CNKSR2: variants seen among roughly 807,000 people sequenced by gnomAD.
CNKSR2 encodes connector enhancer of kinase suppressor of Ras 2, also known as CNK homolog protein 2.
In CNKSR2, 14 loss-of-function variants were observed where a neutral mutation model predicts 84.4. The observed-to-expected ratio is 0.17, with a 90% confidence interval of 0.11 to 0.26. The LOEUF (loss-of-function observed/expected upper bound fraction) is 0.26. CNKSR2 is among the 10% of genes least tolerant of loss of function. The pLI is 1.00. For missense variants in CNKSR2, 485 were observed against 771.2 expected (o/e 0.63, Z 4.40); for synonymous variants, 275 against 277.9 (o/e 0.99, Z 0.10).
chrX:21,546,184 A>G (rs1271054104), intron 11 of CNKSR2, among the ~76,000 whole-genome samples: 1 of 109,962 alleles, frequency 9.1e-6, no homozygotes, highest in Non-Finnish European at 1.9e-5. Flanking sequence ...AAAAAAGGTT[A>G]GAGGAATTGC....
chrX:21,415,855 C>G (rs2090413749), intron 1 of CNKSR2, among the ~76,000 whole-genome samples: 1 of 103,258 alleles, frequency 9.7e-6, no homozygotes, highest in South Asian at 4.2e-4. Flanking sequence ...CACACACACA[C>G]ACACACACAC....
intron 13 of CNKSR2, among the ~76,000 whole-genome samples, chrX:21,576,335 A>C (rs936184530): frequency 2.7e-5 from 3 of 112,215 alleles, no homozygotes; most frequent in Non-Finnish European, 5.6e-5. Flanking sequence ...ATAGGTTAAA[A>C]GGAAGTATAA....
intron 11 of CNKSR2, among the ~76,000 whole-genome samples, chrX:21,542,800 G>A (rs2091987741): frequency 8.9e-6 from 1 of 111,915 alleles, no homozygotes; most frequent in South Asian, 3.8e-4. Flanking sequence ...TCACCAAATA[G>A]TATTGGTTTG....
At chrX:21,471,213 C>T (rs769043001) in intron 5 of CNKSR2, among the ~76,000 whole-genome samples, 1 of 111,795 alleles carries the variant, frequency 8.9e-6, no homozygotes, top group Non-Finnish European at 1.9e-5. Flanking sequence ...ATTTCCTTTG[C>T]TCCAATTCTA....
intron 11 of CNKSR2, among the ~76,000 whole-genome samples, chrX:21,553,803 GTTCT>G (rs1428814312): frequency 9.0e-6 from 1 of 111,595 alleles, no homozygotes; most frequent in Non-Finnish European, 1.9e-5. Flanking sequence ...TTAATTTGCA[GTTCT>G]TTAACTTGAG....
At chrX:21,614,117 A>AT (rs2092565256) in intron 20 of CNKSR2, among the ~76,000 whole-genome samples, 1 of 111,430 alleles carries the variant, frequency 9.0e-6, no homozygotes, top group Non-Finnish European at 1.9e-5. Context: ...TTATTAGGGC[A>AT]TAGGGGCTAG....
intron 20 of CNKSR2, chrX:21,644,729 C>T (rs141570778): frequency 2.7e-5 from 3 of 111,726 alleles, no homozygotes; most frequent in East Asian, 5.6e-4. Context: ...CATTAAGGTA[C>T]AGGAAGAAAA....
rs16981601 is a variant in CNKSR2, at chrX:21,585,667, T to G, written c.1609-4905T>G. On this transcript the variant is annotated intron_variant, in intron 13 of 21. Coordinates refer to ENST00000379510, the MANE Select transcript of CNKSR2 (RefSeq NM_014927.5). ...TGAGCTCAGTTTTGTACATATTAAA[T>G]CCACTCAGTTAGGCAGGCTTTAGCT... Among the ~76,000 whole-genome samples, 1,078 of 111,031 alleles carry G rather than the reference T, an allele frequency of 9.7e-3. 9 individuals carry two copies. Among genetic ancestry groups the G allele is most frequent in the African/African-American group, 0.033 (1,003 of 30,491 alleles).
intron 13 of CNKSR2, among the ~76,000 whole-genome samples, chrX:21,584,407 C>T (rs2092372628): frequency 8.9e-6 from 1 of 112,210 alleles, no homozygotes; most frequent in South Asian, 3.7e-4. Context: ...GAGGACAAAG[C>T]AATACATAAA....
intron 4 of CNKSR2, among the ~76,000 whole-genome samples, chrX:21,446,978 C>T (rs1235364005): frequency 9.0e-6 from 1 of 111,368 alleles, no homozygotes; most frequent in Non-Finnish European, 1.9e-5. Flanking sequence ...TTTTGAGCTC[C>T]TCTCCCATTT....
At chrX:21,642,928 T>C (rs1167191252) in intron 20 of CNKSR2, 1 of 490,521 alleles carries the variant, frequency 2.0e-6, no homozygotes, top group East Asian at 1.9e-4. Context: ...ATAATGATGG[T>C]TCTGGTATAT....
In CNKSR2 at chrX:21,591,169, C is replaced by A. The variant is rs1003662009; in HGVS notation, c.1805C>A (p.Ser602Tyr). The change falls in exon 15 of 22, where the codon TCC becomes TAC. Residue 602 changes from serine (S) to tyrosine (Y), a missense_variant. Transcript: ENST00000379510. The part of the protein sequence containing the change: ...KKYWFVLKDA[S>Y]LYWYINEEDE... ...TATTGGTTTGTCCTAAAGGATGCAT[C>A]CCTTTATTGGTATATTAATGAGGAG... The A allele has an allele frequency of 5.8e-6, 7 of 1,198,593 alleles. No homozygotes were observed. Among genetic ancestry groups the A allele is most frequent in the Admixed American group, 2.2e-5 (1 of 45,160 alleles).
intron 4 of CNKSR2, among the ~76,000 whole-genome samples, chrX:21,466,105 T>C (rs183069519): frequency 9.0e-6 from 1 of 111,653 alleles, no homozygotes; most frequent in Non-Finnish European, 1.9e-5. Flanking sequence ...AAGAAATGAA[T>C]TTTTTTTGCA....
rs763609006 is a variant in CNKSR2, at chrX:21,594,965, G to A, written c.1831-9G>A. On this transcript the variant is annotated splice_polypyrimidine_tract_variant and intron_variant, in intron 15 of 21. Coordinates refer to ENST00000379510, the MANE Select transcript of CNKSR2 (RefSeq NM_014927.5). ...TATAATAAACTAACCAAGAGTCTTG[G>A]CTCTTCAGGATGAAAAAGCAGAAGG... is the stretch of plus-strand genomic sequence containing the variant. 8.4e-7 allele frequency: 1 copy of A among 1,197,078 alleles called. No individual in the cohort carries two copies. The highest frequency in any genetic ancestry group is 1.8e-5 in the South Asian group (1 of 56,059).
Position 21,518,858 on chromosome X carries a change from T to C in CNKSR2, c.957+2227T>C, listed in dbSNP as rs904639526. Among the ~76,000 whole-genome samples the C allele has an allele frequency of 2.7e-5, 3 of 111,951 alleles. No homozygotes were observed. In the Admixed American group the frequency reaches 2.8e-4, roughly 11 times the overall value. On this transcript the variant is annotated intron_variant, in intron 9 of 21. Coordinates refer to ENST00000379510, the MANE Select transcript of CNKSR2 (RefSeq NM_014927.5). Reference sequence around the variant, plus strand: ...TCTGAAAAAGAGGAAATCAGCATTATATAAGTGCTGTATATATTGACATTT... The same window carrying C: ...TCTGAAAAAGAGGAAATCAGCATTACATAAGTGCTGTATATATTGACATTT...
At chrX:21,571,685 T>C (rs1348874562) in intron 13 of CNKSR2, among the ~76,000 whole-genome samples, 1 of 112,183 alleles carries the variant, frequency 8.9e-6, no homozygotes, top group Non-Finnish European at 1.9e-5. Flanking sequence ...ACTAAAGCCA[T>C]ATCTGCTCAT....
intron 6 of CNKSR2, 157 bp downstream of exon 6, chrX:21,490,735 A>G (rs2091434012): frequency 7.5e-6 from 3 of 400,294 alleles, no homozygotes; most frequent in South Asian, 8.9e-5. Context: ...GAAGTTTGTG[A>G]TGCATGATAA....
chrX:21,399,656 C>G (rs1375438185), intron 1 of CNKSR2, among the ~76,000 whole-genome samples: 1 of 111,283 alleles, frequency 9.0e-6, no homozygotes, highest in Non-Finnish European at 1.9e-5. Flanking sequence ...TAACCCCATT[C>G]TAAGTTTTGT....
intron 20 of CNKSR2, chrX:21,644,835 A>G (rs1180013448): frequency 8.9e-6 from 1 of 111,972 alleles, no homozygotes; most frequent in African/African-American, 3.2e-5. Flanking sequence ...AGAGTAATAC[A>G]TGTATATAAG....
Sources: gnomAD v4.1 joint callset for allele counts (sites outside exome capture counted in the v4.1 genomes callset) on GRCh38, gnomAD v4.1.1 for gene constraint, MANE v1.5 for transcripts, NCBI Gene and HGNC (gene_info 2026-07-23, HGNC 2026-07-21) for gene names.